PHC3: variants seen among roughly 807,000 people sequenced by gnomAD.
PHC3 encodes polyhomeotic-like protein 3.
In PHC3, 13 loss-of-function variants were observed where a neutral mutation model predicts 107.4. That is an observed-to-expected ratio of 0.12 (90% CI 0.08 to 0.19). The LOEUF (loss-of-function observed/expected upper bound fraction) is 0.19, where lower values mean the gene tolerates loss of function less well. Ranked by LOEUF, PHC3 falls within the 10% of genes least tolerant of loss-of-function variation. The pLI is 1.00. For missense variants in PHC3, 992 were observed against 1,210.9 expected (o/e 0.82, Z 2.68); for synonymous variants, 456 against 427.4 (o/e 1.07, Z -0.83).
chr3:170,163,697 T>A (rs1304090572), intron 4 of PHC3, among the ~76,000 whole-genome samples: 1 of 151,444 alleles, frequency 6.6e-6, no homozygotes, highest in Non-Finnish European at 1.5e-5. Flanking sequence ...ACCCCATCTC[T>A]ACTAAAAATA....
At chr3:170,180,862 G>T (rs1356872232) in intron 1 of PHC3, among the ~76,000 whole-genome samples, 1 of 152,148 alleles carries the variant, frequency 6.6e-6, no homozygotes, top group African/African-American at 2.4e-5. Context: ...TCTAAACATC[G>T]GTTGAGCGGA....
rs1026803098 is a variant in PHC3 at position 170,097,908 on chromosome 3, T to C, written c.2834-524A>G. The stretch of plus-strand genomic sequence containing the variant: ...ATGACCTTCACTTGAAAAGTACATT[T>C]AAAATATTTTTATTGTTCACTCGGG... On this transcript the variant is annotated intron_variant, in intron 14 of 14. Transcript: ENST00000495893. This position sits in a 1 kb window ranked among gnomAD's most constrained non-coding sequence, Gnocchi z 4.1. Among the ~76,000 whole-genome samples the C allele has an allele frequency of 1.3e-5, 2 of 152,208 alleles. No homozygotes were observed. Among genetic ancestry groups the C allele is most frequent in the African/African-American group, 4.8e-5 (2 of 41,458 alleles).
chr3:170,141,133 C>A (rs1724032968), intron 6 of PHC3, among the ~76,000 whole-genome samples: 1 of 152,128 alleles, frequency 6.6e-6, no homozygotes, highest in African/African-American at 2.4e-5. Context: ...TGGTATTTCA[C>A]AATTAAAATA....
At position 170,095,366 on chromosome 3, in the gene PHC3, CT is replaced by C. The variant is rs1440856234; in HGVS notation, c.*1863del. 6.6e-6 allele frequency: 1 copy of C among 152,000 alleles called. No individual in the cohort carries two copies. The highest frequency in any genetic ancestry group is 1.5e-5 in the Non-Finnish European group (1 of 67,968). 9.4% of individuals were successfully genotyped at this position (152,000 alleles called of 1,614,324 possible). ...CCTACATGTAACTATCAGTAAACAT[CT>C]TTTTTTAAAACATTACTACACAAAG... is the stretch of plus-strand genomic sequence containing the variant. On this transcript the variant is annotated 3_prime_UTR_variant, in exon 15 of 15. Transcript: ENST00000495893.
chr3:170,154,366 C>T (rs1726542827), intron 4 of PHC3, among the ~76,000 whole-genome samples: 1 of 152,094 alleles, frequency 6.6e-6, no homozygotes, highest in Admixed American at 6.5e-5. Context: ...ATTCGGGGTA[C>T]TTTTTTAATA....
chr3:170,171,599 G>A (rs890208577), intron 3 of PHC3, 149 bp from the exon 4 acceptor site: 4 of 582,930 alleles, frequency 6.9e-6, no homozygotes, highest in Non-Finnish European at 1.2e-5. Context: ...TTAAGCTTCG[G>A]TTAAACAGAT....
chr3:170,134,582 C>T (rs1295605509), intron 7 of PHC3, among the ~76,000 whole-genome samples: 1 of 151,854 alleles, frequency 6.6e-6, no homozygotes, highest in African/African-American at 2.4e-5. Context: ...CTAATTAGTA[C>T]CAATAAGAAA....
chr3:170,153,762 CAA>C (rs371840050), intron 4 of PHC3, among the ~76,000 whole-genome samples: 16 of 108,686 alleles, frequency 1.5e-4, no homozygotes, highest in Non-Finnish European at 9.5e-5. Context: ...GACTCCGTCT[CAA>C]AAAAAAAAAA....
intron 3 of PHC3, 66 bp downstream of exon 3, chr3:170,172,491 T>C: frequency 2.0e-6 from 3 of 1,524,420 alleles, no homozygotes; most frequent in Non-Finnish European, 2.7e-6. Context: ...CCCAATCTAT[T>C]TATTTTCAGT....
At chr3:170,166,347 A>G (rs1169616060) in intron 4 of PHC3, among the ~76,000 whole-genome samples, 2 of 152,120 alleles carry the variant, frequency 1.3e-5, no homozygotes, top group Admixed American at 6.6e-5. Flanking sequence ...CCTGGCCCCA[A>G]ATAATAATTT....
intron 10 of PHC3, among the ~76,000 whole-genome samples, chr3:170,116,774 G>A (rs539020853): frequency 7.9e-5 from 12 of 151,976 alleles, no homozygotes; most frequent in African/African-American, 2.9e-4. Flanking sequence ...AGTGGGGCAC[G>A]GTGGCGCACA....
At chr3:170,146,535 C>CTTTT in intron 5 of PHC3, among the ~76,000 whole-genome samples, 1 of 123,506 alleles carries the variant, frequency 8.1e-6, no homozygotes, top group South Asian at 2.5e-4. Flanking sequence ...TTTTCTTTTT[C>CTTTT]TTTTTTTTTT....
intron 2 of PHC3, among the ~76,000 whole-genome samples, chr3:170,177,790 C>G (rs992294652): frequency 1.3e-5 from 2 of 151,692 alleles, no homozygotes; most frequent in African/African-American, 4.8e-5. Flanking sequence ...CCCACCTCAG[C>G]CTCCTGAGTA....
At chr3:170,122,570 C>T in intron 9 of PHC3, 21 bp downstream of exon 9, 1 of 1,611,332 alleles carries the variant, frequency 6.2e-7, no homozygotes, top group Non-Finnish European at 8.5e-7. Context: ...AAAATTCCCA[C>T]AAATTTTGGT....
At chr3:170,166,552 T>C (rs944230786) in intron 4 of PHC3, among the ~76,000 whole-genome samples, 2 of 152,192 alleles carry the variant, frequency 1.3e-5, no homozygotes, top group African/African-American at 4.8e-5. Flanking sequence ...AATGGGCATT[T>C]ATATTATTTA....
chr3:170,103,446 G>C (rs1715856559), intron 12 of PHC3, among the ~76,000 whole-genome samples: 2 of 152,188 alleles, frequency 1.3e-5, no homozygotes, highest in African/African-American at 4.8e-5. Context: ...AAAATGTAAA[G>C]TGGAGATTTT....
rs186234406 is a variant in PHC3, at chr3:170,173,680, G to T, written c.181-968C>A. Among the ~76,000 whole-genome samples the T allele has an allele frequency of 3.9e-5, 6 of 152,174 alleles. No homozygotes were observed. In the East Asian group the frequency reaches 9.6e-4, roughly 24 times the overall value. On this transcript the variant is annotated intron_variant, in intron 2 of 14. Coordinates refer to ENST00000495893, the MANE Select transcript of PHC3 (RefSeq NM_024947.4). ...CACTATAGTGTACATTGCTGATACC[G>T]ATCTATATTTACTAACAAAAAGAAA...
rs1307005420 is a variant in PHC3 at position 170,129,157 on chromosome 3, A to G, written c.1315T>C (p.Ser439Pro). The G allele has an allele frequency of 6.2e-7, 1 of 1,613,910 alleles. No individual in the cohort carries two copies. ...TTTGGCCCTGGCTGGAGAGCTGATGACACAAGAGGGTGTGGCTGAATAAGT... is the reference window on the plus strand; with the variant it reads ...TTTGGCCCTGGCTGGAGAGCTGATGGCACAAGAGGGTGTGGCTGAATAAGT... ...QALIQPHPLV[S>P]SALQPGPNLQ... Residue 439 changes from serine to proline, a missense_variant, in exon 8 of 15, where the codon TCA (serine) becomes CCA (proline). Ser to Pro is a moderately conservative substitution (Grantham distance 74). Around this residue, in one of 6 missense-constraint regions of PHC3, gnomAD observed 543 missense variants for 590.8 expected, o/e 0.92. Coordinates refer to ENST00000495893, the MANE Select transcript of PHC3 (RefSeq NM_024947.4).
chr3:170,129,759 GCAT>G (rs1367915138), intron 7 of PHC3, among the ~76,000 whole-genome samples: 1 of 151,978 alleles, frequency 6.6e-6, no homozygotes, highest in Non-Finnish European at 1.5e-5. Context: ...GGGTGCAGTG[GCAT>G]GATCTCAGCT....
Sources: allele counts gnomAD v4.1 joint callset (sites outside exome capture counted in the v4.1 genomes callset), GRCh38; gene constraint gnomAD v4.1.1; regional missense constraint gnomAD v4.1.1; non-coding constraint Gnocchi (gnomAD v3.1); transcripts MANE v1.5; gene names NCBI Gene and HGNC (gene_info 2026-07-23, HGNC 2026-07-21).